SYNPO2L: variants seen among roughly 807,000 people sequenced by gnomAD.
SYNPO2L encodes synaptopodin 2-like protein.
A neutral mutation model predicts 47.5 loss-of-function variants in SYNPO2L; 34 were observed. The ratio of observed to expected loss-of-function variants is 0.72; its 90% CI spans 0.54 to 0.95. SYNPO2L has a LOEUF of 0.95. Among genes scored for constraint, SYNPO2L ranks in the 40% least tolerant of loss-of-function variants. The pLI, the probability that SYNPO2L is intolerant of heterozygous loss-of-function variation, is 0.00. For missense variants in SYNPO2L, 1,246 were observed against 1,282.0 expected (o/e 0.97, Z 0.43); for synonymous variants, 536 against 524.9 (o/e 1.02, Z -0.29).
chr10:73,650,730 C>T (rs2081834539), intron 3 of SYNPO2L: 1 of 985,296 alleles, frequency 1.0e-6, no homozygotes, highest in African/African-American at 1.7e-5. Flanking sequence ...ACCCCTTTGA[C>T]ATGTGACCAC....
At chr10:73,650,486 C>G (rs1346964491) in intron 3 of SYNPO2L, among the ~76,000 whole-genome samples, 1 of 152,112 alleles carries the variant, frequency 6.6e-6, no homozygotes, top group African/African-American at 2.4e-5. Flanking sequence ...CATAGGATTG[C>G]TATAAGGATT....
chr10:73,647,009 A>C lies in SYNPO2L; in HGVS notation c.2643T>G (p.Thr881=). The C allele has an allele frequency of 6.2e-7, 1 of 1,613,406 alleles. No homozygotes were observed. Among genetic ancestry groups the C allele is most frequent in the South Asian group, 1.1e-5 (1 of 91,064 alleles). ...PGPIASGSPK[T]ARVQEIRRFS... ...ACCGGCGAATCTCCTGGACTCGGGCAGTTTTGGGGGACCCTGAGGCGATAG... is the reference window on the plus strand; with the variant it reads ...ACCGGCGAATCTCCTGGACTCGGGCCGTTTTGGGGGACCCTGAGGCGATAG... The change falls in exon 4 of 4, where the codon ACT becomes ACG. Residue 881 remains threonine (T), a synonymous_variant. Transcript: ENST00000394810.
In SYNPO2L at chr10:73,645,086, G is replaced by T; in HGVS notation, c.*1632C>A. ...AGCTGGGGTTTTGAGGGATGGGGTG[G>T]GACTGAAAGGAGGTTTTGGCTCTGG... On this transcript the variant is annotated 3_prime_UTR_variant, in exon 4 of 4. Coordinates refer to ENST00000394810, the MANE Select transcript of SYNPO2L (RefSeq NM_001114133.3). 1.6e-6 allele frequency: 2 copies of T among 1,249,574 alleles called. No homozygotes were observed. The highest frequency in any genetic ancestry group is 2.1e-6 in the Non-Finnish European group (2 of 969,714). The allele number at this position is 1,249,574 out of a possible 1,614,324, so 77.4% of individuals were successfully genotyped here. A position where few individuals can be genotyped will look rare whatever the true frequency, so the allele number is the denominator to read the frequency against.
intron 1 of SYNPO2L, 56 bp downstream of exon 1, chr10:73,655,762 C>T: frequency 6.7e-6 from 6 of 889,112 alleles, no homozygotes; most frequent in Non-Finnish European, 9.9e-6. Flanking sequence ...ACATCTCTTC[C>T]CAGGATCCCT....
intron 3 of SYNPO2L, chr10:73,650,612 T>C (rs1379743761): frequency 4.6e-6 from 4 of 865,444 alleles, no homozygotes; most frequent in Non-Finnish European, 5.5e-6. Context: ...TACTTTCTTG[T>C]TCACACATAT....
At chr10:73,650,587 C>T in intron 3 of SYNPO2L, 1 of 717,952 alleles carries the variant, frequency 1.4e-6, no homozygotes, top group Non-Finnish European at 1.7e-6. Context: ...ACTATACTTT[C>T]TTGATATATA....
Position 73,648,281 on chromosome 10 carries a change from C to A in SYNPO2L, c.1371G>T (p.Pro457=). 6.2e-7 allele frequency: 1 copy of A among 1,601,274 alleles called. No individual in the cohort carries two copies. Among genetic ancestry groups the A allele is most frequent in the South Asian group, 1.1e-5 (1 of 90,908 alleles). The part of the protein sequence containing the change: ...PRPFQPGGGA[P]TPAPSIFNRS... ...GGTTAAAGATGCTTGGAGCTGGGGT[C>A]GGGGCTCCACCACCTGGTTGGAAGG... is the stretch of plus-strand genomic sequence containing the variant. Residue 457 remains proline, a synonymous_variant, in exon 4 of 4, where the codon CCG becomes CCT. Transcript: ENST00000394810.
Position 73,648,388 on chromosome 10 carries a change from G to T in SYNPO2L, c.1264C>A (p.Pro422Thr). The change falls in exon 4 of 4, where the codon CCA becomes ACA. Residue 422 changes from proline (P) to threonine (T), a missense_variant. By Grantham distance (38) the Pro-to-Thr change is conservative. Around this residue, in one of 3 missense-constraint regions of SYNPO2L, gnomAD observed 1,037 missense variants for 1,021.5 expected, o/e 1.02. Transcript: ENST00000394810. ...AMLNGEGLQS[P>T]PRAQSAPPEA... is the part of the protein sequence containing the mutation. The stretch of plus-strand genomic sequence containing the variant: ...GGGGGAGCACTCTGGGCCCGAGGTG[G>T]TGACTGCAGGCCTTCCCCGTTGAGC... 3 of 1,607,326 alleles carry T rather than the reference G, an allele frequency of 1.9e-6. No individual in the cohort carries two copies. Among genetic ancestry groups the T allele is most frequent in the Non-Finnish European group, 2.5e-6 (3 of 1,179,736 alleles).
At position 73,645,956 on chromosome 10, in the gene SYNPO2L, C is replaced by T. The variant is rs1373006563; in HGVS notation, c.*762G>A. 2.3e-6 allele frequency: 2 copies of T among 854,000 alleles called. No individual in the cohort carries two copies. Among genetic ancestry groups the T allele is most frequent in the African/African-American group, 3.6e-5 (2 of 54,954 alleles). 52.9% of individuals were successfully genotyped at this position (854,000 alleles called of 1,614,324 possible). ...TCTCCTGCCTCAGCCTCCCGAGTAG[C>T]TGGGACTACAGGCGCTCGCCACCAC... On this transcript the variant is annotated 3_prime_UTR_variant, in exon 4 of 4. Transcript: ENST00000394810.
At position 73,646,066 on chromosome 10, in the gene SYNPO2L, C is replaced by T. The variant is rs1392917962; in HGVS notation, c.*652G>A. On this transcript the variant is annotated 3_prime_UTR_variant, in exon 4 of 4. Coordinates refer to ENST00000394810, the MANE Select transcript of SYNPO2L (RefSeq NM_001114133.3). ...GTCTCGATCTCCTGACCTCGTGATC[C>T]GCCCGCCTCGGCCTCCCAAAGTGCT... 9.2e-6 allele frequency: 9 copies of T among 981,158 alleles called. No individual in the cohort carries two copies. The highest frequency in any genetic ancestry group is 1.1e-4 in the East Asian group (1 of 8,806). 60.8% of individuals were successfully genotyped at this position (981,158 alleles called of 1,614,324 possible).
chr10:73,648,974 C>G (rs560839009), intron 3 of SYNPO2L, 95 bp from the exon 4 acceptor site: 1 of 1,392,324 alleles, frequency 7.2e-7, no homozygotes, highest in South Asian at 1.8e-5. Flanking sequence ...AGCAAGCTCC[C>G]TCTTGCACTG....
intron 3 of SYNPO2L, chr10:73,651,169 G>C: frequency 1.8e-6 from 2 of 1,119,244 alleles, no homozygotes; most frequent in Non-Finnish European, 2.4e-6. Flanking sequence ...CACAAGTGCC[G>C]GTGTGATGGA....
Position 73,646,341 on chromosome 10 carries a change from C to A in SYNPO2L, c.*377G>T. On this transcript the variant is annotated 3_prime_UTR_variant, in exon 4 of 4. Coordinates refer to ENST00000394810, the MANE Select transcript of SYNPO2L (RefSeq NM_001114133.3). ...TGGTGGTGAGCTTCTTGCCTGAAGT[C>A]CCAGTGGTCACTTCTGCTCTGTTTA... 1.0e-6 allele frequency: 1 copy of A among 1,002,282 alleles called. No individual in the cohort carries two copies. The highest frequency in any genetic ancestry group is 1.2e-6 in the Non-Finnish European group (1 of 842,070). 62.1% of individuals were successfully genotyped at this position (1,002,282 alleles called of 1,614,324 possible).
At chr10:73,649,953 T>G (rs1317936675) in intron 3 of SYNPO2L, 1 of 985,288 alleles carries the variant, frequency 1.0e-6, no homozygotes, top group African/African-American at 1.7e-5. Flanking sequence ...GGGGTGGGCT[T>G]CTTCAGGGGT....
intron 3 of SYNPO2L, chr10:73,650,401 G>T: frequency 3.9e-6 from 2 of 509,598 alleles, no homozygotes; most frequent in Non-Finnish European, 5.1e-6. Flanking sequence ...CAGGTTTTTG[G>T]TTTCTGGGAT....
chr10:73,646,493 A>G lies in SYNPO2L; in HGVS notation c.*225T>C. On this transcript the variant is annotated 3_prime_UTR_variant, in exon 4 of 4. Coordinates refer to ENST00000394810, the MANE Select transcript of SYNPO2L (RefSeq NM_001114133.3). ...CAGAGATCCAGGAAAGGAAATGCAG[A>G]GACAAAGAGAGGCAAAGATACCAAA... 1 of 1,230,386 alleles carries G rather than the reference A, an allele frequency of 8.1e-7. No homozygotes were observed. Among genetic ancestry groups the G allele is most frequent in the African/African-American group, 1.6e-5 (1 of 64,400 alleles). The allele number at this position is 1,230,386 out of a possible 1,614,324, so 76.2% of individuals were successfully genotyped here.
intron 3 of SYNPO2L, chr10:73,650,130 T>C (rs1264927019): frequency 9.1e-6 from 9 of 985,324 alleles, no homozygotes; most frequent in Non-Finnish European, 1.1e-5. Flanking sequence ...GCCTTGCACA[T>C]GGATACTCTC....
rs1178972762 is a variant in SYNPO2L, at chr10:73,652,066, C to CAAAAAAA, written c.772+1066_772+1072dup. 2.5e-4 allele frequency among the ~76,000 whole-genome samples: 12 copies of CAAAAAAA among 47,802 alleles called. 1 individual carries two copies. The highest frequency in any genetic ancestry group is 6.4e-4 in the Non-Finnish European group (11 of 17,200). The allele number at this position is 47,802 out of a possible 152,430, so 31.4% of individuals were successfully genotyped here. A position where few individuals can be genotyped will look rare whatever the true frequency, so the allele number is the denominator to read the frequency against. Reference sequence around the variant, plus strand: ...CGGGTGACAGTGCAAGACTCTATCTCAAAAAAAAAAAAAAAAAAAAAAAAC... The same window carrying CAAAAAAA: ...CGGGTGACAGTGCAAGACTCTATCTCAAAAAAAAAAAAAAAAAAAAAAAAAAAAAAAC... On this transcript the variant is annotated intron_variant, in intron 3 of 3. Transcript: ENST00000394810.
Position 73,647,821 on chromosome 10 carries a change from C to CGCGA in SYNPO2L, c.1827_1830dup (p.Glu611SerfsTer52), listed in dbSNP as rs766285135. On this transcript the variant is annotated frameshift_variant, in exon 4 of 4. Coordinates refer to ENST00000394810, the MANE Select transcript of SYNPO2L (RefSeq NM_001114133.3). LOFTEE classifies it high-confidence loss of function. ...GCAGCTGGCACAGAGATGCGCTGCT[C>CGCGA]GCGAGCGCTGGGGGGCTCAGGAGCC... The CGCGA allele has an allele frequency of 1.3e-6, 2 of 1,591,342 alleles. No individual in the cohort carries two copies. The highest frequency in any genetic ancestry group is 1.7e-6 in the Non-Finnish European group (2 of 1,167,550).
Sources: gnomAD v4.1 joint callset for allele counts (sites outside exome capture counted in the v4.1 genomes callset) on GRCh38, gnomAD v4.1.1 for gene constraint, gnomAD v4.1.1 regional missense constraint, MANE v1.5 for transcripts, NCBI Gene and HGNC (gene_info 2026-07-23, HGNC 2026-07-21) for gene names.